TENM4: variants seen among roughly 807,000 people sequenced by gnomAD.
TENM4 encodes teneurin transmembrane protein 4.
Under a neutral mutation model 243.3 loss-of-function variants are expected in TENM4, and 82 were observed. The observed-to-expected ratio is 0.34, with a 90% CI of 0.28 to 0.40. The LOEUF (loss-of-function observed/expected upper bound fraction) is 0.40. TENM4 is among the 10% of genes least tolerant of loss of function. The pLI is 1.00. For missense variants in TENM4, 3,138 were observed against 3,673.3 expected, an observed-to-expected ratio of 0.85 and a Z score of 3.77; for synonymous variants, 1,412 against 1,456.3, an observed-to-expected ratio of 0.97 and a Z score of 0.69.
rs1856322202 is a variant in TENM4, at chr11:78,756,888, T to G, written c.2673A>C (p.Leu891=). Residue 891 remains leucine, a synonymous_variant, in exon 19 of 34, where the codon CTA becomes CTC. Transcript: ENST00000278550. ...ACTTGATGCGGTCATAGAAGGAGTG[T>G]AGGTTCTGCTGTGACACAGGGACCT... ...ETQVPVSQQN[L]HSFYDRIKFL... 1 of 1,613,688 alleles carries G rather than the reference T, an allele frequency of 6.2e-7. No individual in the cohort carries two copies. Among genetic ancestry groups the G allele is most frequent in the Non-Finnish European group, 8.5e-7 (1 of 1,179,850 alleles).
In TENM4 at chr11:78,701,664, T is replaced by C; in HGVS notation, c.4949A>G (p.Tyr1650Cys). The change falls in exon 28 of 34, where the codon TAC becomes TGC. Residue 1650 changes from tyrosine to cysteine, a missense_variant. Coordinates refer to ENST00000278550, the MANE Select transcript of TENM4 (RefSeq NM_001098816.3). ...LWLVVPDGQV[Y>C]WVTMGTNSAL... The stretch of plus-strand genomic sequence containing the variant: ...ACTGTTGGTGCCCATGGTCACCCAG[T>C]ACACCTGGCCATCTGGGACCACCAG... The C allele has an allele frequency of 6.2e-7, 1 of 1,613,974 alleles. No homozygotes were observed.
chr11:79,270,713 A>T (rs1855954119), intron 2 of TENM4, among the ~76,000 whole-genome samples: 1 of 152,106 alleles, frequency 6.6e-6, no homozygotes, highest in African/African-American at 2.4e-5. Flanking sequence ...CAACTTTCAA[A>T]GCTCTATGTA....
intron 20 of TENM4, among the ~76,000 whole-genome samples, chr11:78,736,255 T>C (rs1855789844): frequency 6.6e-6 from 1 of 152,196 alleles, no homozygotes; most frequent in African/African-American, 2.4e-5. Context: ...GGATTACAGA[T>C]GTGAGCCACT....
intron 2 of TENM4, among the ~76,000 whole-genome samples, chr11:79,217,127 T>C (rs1267137685): frequency 6.6e-6 from 1 of 152,168 alleles, no homozygotes; most frequent in Non-Finnish European, 1.5e-5. Context: ...ACAAAGGAGA[T>C]ACCCGTACAA....
chr11:78,903,649 T>C (rs1286610328), intron 6 of TENM4, 126 bp from the exon 7 acceptor site: 1 of 1,404,424 alleles, frequency 7.1e-7, no homozygotes, highest in East Asian at 2.5e-5. Flanking sequence ...ATTGATGCAG[T>C]CAATCAGTAA....
chr11:79,002,985 G>T (rs1400123897), intron 6 of TENM4, among the ~76,000 whole-genome samples: 1 of 152,172 alleles, frequency 6.6e-6, no homozygotes, highest in African/African-American at 2.4e-5. Context: ...TGATACAGCT[G>T]ATAAATTCAC....
intron 12 of TENM4, among the ~76,000 whole-genome samples, chr11:78,832,103 A>G (rs1393712457): frequency 6.6e-6 from 1 of 152,124 alleles, no homozygotes; most frequent in African/African-American, 2.4e-5. Flanking sequence ...CAGGATGGGA[A>G]CCCCGCTCTC....
At chr11:78,674,256 C>T (rs139102267) in intron 30 of TENM4, among the ~76,000 whole-genome samples, 1 of 152,170 alleles carries the variant, frequency 6.6e-6, no homozygotes, top group African/African-American at 2.4e-5. Context: ...TAAAAAAGTT[C>T]CCAGTTGTAT....
chr11:78,871,585 T>C (rs975896704), intron 9 of TENM4, among the ~76,000 whole-genome samples: 2 of 152,204 alleles, frequency 1.3e-5, no homozygotes, highest in Admixed American at 6.5e-5. Context: ...TTCAGACTTC[T>C]AGTTCAAAGC....
At chr11:79,097,907 CAG>C (rs1368434554) in intron 4 of TENM4, 3 of 151,728 alleles carry the variant, frequency 2.0e-5, no homozygotes, top group Non-Finnish European at 4.4e-5. Flanking sequence ...GATTAAAATT[CAG>C]AGTCAGCACA....
intron 4 of TENM4, among the ~76,000 whole-genome samples, chr11:79,089,476 T>C (rs548167030): frequency 1.3e-5 from 2 of 152,324 alleles, no homozygotes; most frequent in Admixed American, 6.5e-5. Context: ...ATTTGGTCTA[T>C]AGCAAGTAAT....
At chr11:79,338,376 C>T (rs899880706) in intron 1 of TENM4, among the ~76,000 whole-genome samples, 2 of 152,198 alleles carry the variant, frequency 1.3e-5, no homozygotes, top group Non-Finnish European at 2.9e-5. Context: ...GTTCAACTCC[C>T]GTTCAGCACT....
intron 2 of TENM4, among the ~76,000 whole-genome samples, chr11:79,254,547 T>C (rs1321533084): frequency 6.6e-6 from 1 of 152,210 alleles, no homozygotes; most frequent in Non-Finnish European, 1.5e-5. Flanking sequence ...TTTCTGACTT[T>C]CTGGACTCTG....
chr11:78,927,122 G>T (rs1015800539), intron 6 of TENM4, among the ~76,000 whole-genome samples: 14 of 152,168 alleles, frequency 9.2e-5, no homozygotes, highest in Non-Finnish European at 2.1e-4. Context: ...GGATTATTTT[G>T]CTGTATGTTT....
intron 3 of TENM4, among the ~76,000 whole-genome samples, chr11:79,188,092 A>G (rs1863410805): frequency 6.6e-6 from 1 of 152,178 alleles, no homozygotes; most frequent in African/African-American, 2.4e-5. Flanking sequence ...TTTAATCCAC[A>G]CAACTGCTGG....
intron 17 of TENM4, among the ~76,000 whole-genome samples, chr11:78,777,234 T>C (rs1286174935): frequency 1.3e-5 from 2 of 152,206 alleles, no homozygotes; most frequent in Non-Finnish European, 2.9e-5. Flanking sequence ...TCTTTCTTGC[T>C]GGAATGATTT....
chr11:78,749,388 C>T (rs1391163772), intron 19 of TENM4: 3 of 144,774 alleles, frequency 2.1e-5, no homozygotes, highest in Non-Finnish European at 4.5e-5. Flanking sequence ...TGATGGGGTA[C>T]CCTGTCAGCT....
intron 1 of TENM4, among the ~76,000 whole-genome samples, chr11:79,388,612 C>A (rs1199100830): frequency 6.6e-6 from 1 of 152,178 alleles, no homozygotes; most frequent in East Asian, 1.9e-4. Context: ...TCCCAGGCTA[C>A]TTAGTTTGTG....
intron 6 of TENM4, among the ~76,000 whole-genome samples, chr11:79,026,179 T>C (rs954413210): frequency 9.9e-5 from 15 of 152,188 alleles, no homozygotes; most frequent in Admixed American, 9.2e-4. Context: ...GATTTTGTTA[T>C]GTATAACATT....
Sources: gnomAD v4.1 joint callset for allele counts (sites outside exome capture counted in the v4.1 genomes callset) on GRCh38, gnomAD v4.1.1 for gene constraint, MANE v1.5 for transcripts, NCBI Gene and HGNC (gene_info 2026-07-23, HGNC 2026-07-21) for gene names.